SPTBN1: variants seen among roughly 807,000 people sequenced by gnomAD.
SPTBN1 encodes the protein spectrin beta, non-erythrocytic 1.
In SPTBN1, 32 loss-of-function variants were observed where a neutral mutation model predicts 266.4. The ratio of observed to expected loss-of-function variants is 0.12; its 90% CI spans 0.09 to 0.16. SPTBN1 has a LOEUF of 0.16. SPTBN1 is among the 10% of genes least tolerant of loss of function. SPTBN1 has a pLI of 1.00. For synonymous variants in SPTBN1, 1,336 were observed against 1,162.2 expected (o/e 1.15, Z -3.04); for missense variants, 2,296 against 3,067.1 (o/e 0.75, Z 5.94).
At chr2:54,606,323 G>A (rs1226122749) in intron 3 of SPTBN1, among the ~76,000 whole-genome samples, 2 of 152,138 alleles carry the variant, frequency 1.3e-5, no homozygotes, top group Admixed American at 1.3e-4. Context: ...CCCTCTTGGA[G>A]GGAGACTTAT....
chr2:54,601,178 T>C (rs959338006), intron 3 of SPTBN1, among the ~76,000 whole-genome samples: 5 of 152,190 alleles, frequency 3.3e-5, no homozygotes, highest in African/African-American at 4.8e-5. Context: ...GCAGTCGATA[T>C]CAGTAGTTTT....
chr2:54,461,772 A>G (rs1693381312), intron 1 of SPTBN1, among the ~76,000 whole-genome samples: 1 of 152,088 alleles, frequency 6.6e-6, no homozygotes, highest in Admixed American at 6.5e-5. Context: ...TATCTTATTA[A>G]TTTGTAGTTC....
chr2:54,514,714 T>C (rs1026825839), intron 1 of SPTBN1, among the ~76,000 whole-genome samples: 6 of 152,228 alleles, frequency 3.9e-5, no homozygotes, highest in African/African-American at 1.4e-4. Flanking sequence ...CATCTTTCTG[T>C]CTTCTGAGGC....
chr2:54,570,174 C>G (rs1673961648), intron 2 of SPTBN1, among the ~76,000 whole-genome samples: 1 of 152,204 alleles, frequency 6.6e-6, no homozygotes, highest in South Asian at 2.1e-4. Flanking sequence ...CTCATATTAA[C>G]TGCCCCCCAT....
chr2:54,622,244 G>T (rs765441456), intron 8 of SPTBN1, 56 bp from the exon 9 acceptor site: 3 of 1,572,628 alleles, frequency 1.9e-6, no homozygotes, highest in Non-Finnish European at 1.7e-6. Flanking sequence ...GGTTACAATC[G>T]TATTTAACTT....
At chr2:54,465,639 CAT>C (rs70944167) in intron 1 of SPTBN1, among the ~76,000 whole-genome samples, 44,992 of 115,860 alleles carry the variant, frequency 0.39, 8,465 homozygotes, top group Non-Finnish European at 0.48. Flanking sequence ...ATGTTTATCT[CAT>C]ATATATATAT....
intron 2 of SPTBN1, among the ~76,000 whole-genome samples, chr2:54,571,531 T>G (rs1332929006): frequency 6.6e-6 from 1 of 150,412 alleles, no homozygotes; most frequent in Non-Finnish European, 1.5e-5. Context: ...CCTATTACTG[T>G]TCCCTAATTG....
rs563206225 is a variant in SPTBN1, at chr2:54,628,628, C to T, written c.1799-305C>T. Among the ~76,000 whole-genome samples the T allele has an allele frequency of 9.9e-5, 15 of 152,218 alleles. No individual in the cohort carries two copies. Among genetic ancestry groups the T allele is most frequent in the African/African-American group, 3.1e-4 (13 of 41,536 alleles). On this transcript the variant is annotated intron_variant, in intron 13 of 35. Transcript: ENST00000356805. This position sits in a 1 kb window ranked among gnomAD's most constrained non-coding sequence, Gnocchi z 4.3. Reference sequence around the variant, plus strand: ...TGTTTAGAATGATTTGGTTATGCTTCGTGTATTTCTAGAAACAATTATATG... The same window carrying T: ...TGTTTAGAATGATTTGGTTATGCTTTGTGTATTTCTAGAAACAATTATATG...
At chr2:54,643,593 C>A (rs1317112872) in intron 19 of SPTBN1, among the ~76,000 whole-genome samples, 1 of 152,222 alleles carries the variant, frequency 6.6e-6, no homozygotes, top group Non-Finnish European at 1.5e-5. Context: ...CAGAGAGATT[C>A]TGGGCAGCAT....
At chr2:54,568,349 CA>C (rs888478845) in intron 2 of SPTBN1, among the ~76,000 whole-genome samples, 16,598 of 95,682 alleles carry the variant, frequency 0.17, 726 homozygotes, top group Middle Eastern at 0.27. Flanking sequence ...GACTCTGTCT[CA>C]AAAAAAAAAA....
chr2:54,670,656 T>G lies in SPTBN1; in HGVS notation c.*2087T>G. ...CAGTCTTGTACTCTTGACAAAGCTG[T>G]GCAGATGGCAATAAGTTCATACCAG... is the stretch of plus-strand genomic sequence containing the variant. On this transcript the variant is annotated 3_prime_UTR_variant, in exon 36 of 36. Transcript: ENST00000356805. 1 of 398,686 alleles carries G rather than the reference T, an allele frequency of 2.5e-6. No homozygotes were observed. Among genetic ancestry groups the G allele is most frequent in the Admixed American group, 4.4e-5 (1 of 22,738 alleles). 24.7% of individuals were successfully genotyped at this position (398,686 alleles called of 1,614,324 possible).
At chr2:54,576,812 C>G (rs1236532673) in intron 2 of SPTBN1, among the ~76,000 whole-genome samples, 1 of 152,204 alleles carries the variant, frequency 6.6e-6, no homozygotes, top group East Asian at 1.9e-4. Flanking sequence ...CAGCCACGGT[C>G]TCAAATTACA....
intron 35 of SPTBN1, 34 bp downstream of exon 35, chr2:54,667,680 T>G: frequency 6.3e-7 from 1 of 1,598,048 alleles, no homozygotes. Context: ...CTCCACTACT[T>G]AGGAGTTTGC....
At chr2:54,539,881 G>T (rs1388702178) in intron 2 of SPTBN1, among the ~76,000 whole-genome samples, 1 of 151,986 alleles carries the variant, frequency 6.6e-6, no homozygotes, top group African/African-American at 2.4e-5. Flanking sequence ...CTGAATGTTT[G>T]TTCCTCCCAC....
chr2:54,662,181 G>C (rs1432563269), intron 32 of SPTBN1: 2 of 985,250 alleles, frequency 2.0e-6, no homozygotes, highest in African/African-American at 3.5e-5. Flanking sequence ...GGTTGCGAGG[G>C]ATGTGTTCAC....
Position 54,552,551 on chromosome 2 carries a change from G to T in SPTBN1, c.148+25985G>T, listed in dbSNP as rs183523159. On this transcript the variant is annotated intron_variant, in intron 2 of 35. Coordinates refer to ENST00000356805, the MANE Select transcript of SPTBN1 (RefSeq NM_003128.3). ...AGCTCACTGCAACCTCAACCTCCCA[G>T]ATTCAAGCGATTCTCCTGCCTCAGC... is the stretch of plus-strand genomic sequence containing the variant. Among the ~76,000 whole-genome samples the T allele has an allele frequency of 1.6e-3, 116 of 71,946 alleles. 1 individual carries two copies. In the East Asian group the frequency reaches 0.035, roughly 22 times the overall value. 47.2% of individuals were successfully genotyped at this position (71,946 alleles called of 152,430 possible).
At chr2:54,519,308 TAGA>T (rs1670287611) in intron 1 of SPTBN1, among the ~76,000 whole-genome samples, 1 of 152,090 alleles carries the variant, frequency 6.6e-6, no homozygotes. Context: ...GGTAAGTAAA[TAGA>T]AGGTTTGTAA....
chr2:54,466,067 G>T (rs4671938), intron 1 of SPTBN1, among the ~76,000 whole-genome samples: 78,843 of 151,904 alleles, frequency 0.52, 20,917 homozygotes, highest in East Asian at 0.64. Context: ...GGAGTCATAC[G>T]TCCATTCTTA....
chr2:54,566,955 C>G lies in SPTBN1; in HGVS notation c.149-32137C>G, dbSNP rs77849883. Among the ~76,000 whole-genome samples the G allele has an allele frequency of 4.7e-4, 72 of 152,278 alleles. 1 individual carries two copies. The East Asian group carries it at 0.014, about 29-fold the overall frequency. On this transcript the variant is annotated intron_variant, in intron 2 of 35. Transcript: ENST00000356805. Reference sequence around the variant, plus strand: ...GCAGGAAGGATCCTAGGAAATAAAACACTAAAATAAAACTTTAAAAAATAC... The same window carrying G: ...GCAGGAAGGATCCTAGGAAATAAAAGACTAAAATAAAACTTTAAAAAATAC...
Sources: allele counts gnomAD v4.1 joint callset (sites outside exome capture counted in the v4.1 genomes callset), GRCh38; gene constraint gnomAD v4.1.1; non-coding constraint Gnocchi (gnomAD v3.1); transcripts MANE v1.5; gene names NCBI Gene and HGNC (gene_info 2026-07-23, HGNC 2026-07-21).